Variants in MIA2 observed in about 807,000 individuals in gnomAD.
MIA2 encodes the protein MIA SH3 domain ER export factor 2.
In MIA2, 127 loss-of-function variants were observed where a neutral mutation model predicts 167.8. The observed-to-expected ratio is 0.76, with a 90% CI of 0.66 to 0.88. MIA2 has a LOEUF of 0.88. Among genes scored for constraint, MIA2 ranks in the 40% least tolerant of loss-of-function variants. The pLI, the probability that MIA2 is intolerant of heterozygous loss-of-function variation, is 0.00. For missense variants in MIA2, 1,690 were observed against 1,624.7 expected (o/e 1.04, Z -0.69); for synonymous variants, 552 against 541.9 (o/e 1.02, Z -0.26).
At chr14:39,261,351 G>C (rs1055404370) in intron 6 of MIA2, among the ~76,000 whole-genome samples, 1 of 152,098 alleles carries the variant, frequency 6.6e-6, no homozygotes, top group African/African-American at 2.4e-5. Flanking sequence ...AGTATTCCAT[G>C]GTGTATATGT....
chr14:39,237,316 C>G (rs2053798462), intron 2 of MIA2: 1 of 429,692 alleles, frequency 2.3e-6, no homozygotes. Context: ...TTGGTAGAGA[C>G]AGCATTTCAC....
intron 9 of MIA2, among the ~76,000 whole-genome samples, chr14:39,288,467 A>ATTTTT (rs1264770913): frequency 7.8e-5 from 4 of 51,582 alleles, no homozygotes; most frequent in Admixed American, 3.4e-4. Context: ...ATATATATAT[A>ATTTTT]TATATATATT....
rs2062985928 is a variant in MIA2, at chr14:39,304,342, C to G, written c.2839C>G (p.Gln947Glu). ...LEGERNQIYI[Q>E]LSEVDKTKEE... Reference sequence around the variant, plus strand: ...AGGAGAAAGAAACCAAATTTATATTCAGTTGTCTGAAGTTGATAAAACAAA... The same window carrying G: ...AGGAGAAAGAAACCAAATTTATATTGAGTTGTCTGAAGTTGATAAAACAAA... Residue 947 changes from glutamine to glutamate, a missense_variant, in exon 17 of 29, where the codon CAG (glutamine) becomes GAG (glutamate). Coordinates refer to ENST00000640607, the MANE Select transcript of MIA2 (RefSeq NM_001329214.4). 1 of 1,574,164 alleles carries G rather than the reference C, an allele frequency of 6.4e-7. No individual in the cohort carries two copies. Among genetic ancestry groups the G allele is most frequent in the African/African-American group, 1.4e-5 (1 of 73,130 alleles).
At chr14:39,290,982 T>C in intron 9 of MIA2, 37 bp from the exon 10 acceptor site, 2 of 1,543,282 alleles carry the variant, frequency 1.3e-6, no homozygotes, top group Non-Finnish European at 1.8e-6. Context: ...AGAATACAAT[T>C]GGTAGAGTTT....
At chr14:39,335,715 G>A (rs562988136) in intron 25 of MIA2, among the ~76,000 whole-genome samples, 2 of 152,300 alleles carry the variant, frequency 1.3e-5, no homozygotes, top group African/African-American at 2.4e-5. Flanking sequence ...CACCCAGAAA[G>A]TGAGCATAGT....
chr14:39,324,965 A>G (rs1595626915), intron 24 of MIA2, among the ~76,000 whole-genome samples: 1 of 152,170 alleles, frequency 6.6e-6, no homozygotes, highest in African/African-American at 2.4e-5. Context: ...GCTTACAACT[A>G]TAATCCTAGT....
At chr14:39,312,161 C>T (rs1041114641) in intron 18 of MIA2, among the ~76,000 whole-genome samples, 1 of 152,124 alleles carries the variant, frequency 6.6e-6, no homozygotes, top group East Asian at 1.9e-4. Context: ...ATCATCAGGT[C>T]TCCTTTCACA....
chr14:39,309,239 A>G (rs1370577556), intron 18 of MIA2, among the ~76,000 whole-genome samples: 2 of 152,186 alleles, frequency 1.3e-5, no homozygotes, highest in African/African-American at 4.8e-5. Flanking sequence ...TTTTCTCTGC[A>G]ACATGCAGGA....
Position 39,238,811 on chromosome 14 carries a change from A to AAAAAACAAAACAAAAAAC in MIA2, c.250-1750_250-1749insAAAAACAAAACAAAAAAC. On this transcript the variant is annotated intron_variant, in intron 2 of 28. Transcript: ENST00000640607. Reference sequence around the variant, plus strand: ...CCTGTCTCAAAAAAAAAAAAAAAAAACCCAAAAAACAAAAAAACCTAGCTG... The same window carrying AAAAAACAAAACAAAAAAC: ...CCTGTCTCAAAAAAAAAAAAAAAAAAAAAAACAAAACAAAAAACCCCAAAAAACAAAAAAACCTAGCTG... 1.2e-3 allele frequency among the ~76,000 whole-genome samples: 126 copies of AAAAAACAAAACAAAAAAC among 103,614 alleles called. 2 individuals are homozygous for AAAAAACAAAACAAAAAAC. Among genetic ancestry groups the AAAAAACAAAACAAAAAAC allele is most frequent in the South Asian group, 2.5e-3 (8 of 3,204 alleles). The allele number at this position is 103,614 out of a possible 152,430, so 68.0% of individuals were successfully genotyped here. A position where few individuals can be genotyped will look rare whatever the true frequency, so the allele number is the denominator to read the frequency against.
intron 27 of MIA2, 44 bp downstream of exon 27, chr14:39,347,815 CT>C (rs773929040): frequency 1.5e-4 from 157 of 1,048,966 alleles, no homozygotes; most frequent in Admixed American, 1.5e-3. Flanking sequence ...ATTCAGAAGC[CT>C]TCTTTTTTTT....
chr14:39,350,134 A>G lies in MIA2; in HGVS notation c.4109A>G (p.Tyr1370Cys). 7.3e-7 allele frequency: 1 copy of G among 1,377,270 alleles called. No individual in the cohort carries two copies. The highest frequency in any genetic ancestry group is 9.9e-7 in the Non-Finnish European group (1 of 1,008,232). 85.3% of individuals were successfully genotyped at this position (1,377,270 alleles called of 1,614,324 possible). A position where few individuals can be genotyped will look rare whatever the true frequency, so the allele number is the denominator to read the frequency against. ...NVYPPRGFPP[Y>C]LPPRPGFFPP... ...TATCCACCGAGGGGTTTTCCTCCTT[A>G]CCTTCCCCCAAGACCTGGATTTTTC... Residue 1370 changes from tyrosine to cysteine, a missense_variant, in exon 29 of 29, where the codon TAC (tyrosine) becomes TGC (cysteine). By Grantham distance (194) the Tyr-to-Cys change is radical (BLOSUM62 -2). Coordinates refer to ENST00000640607, the MANE Select transcript of MIA2 (RefSeq NM_001329214.4).
intron 23 of MIA2, among the ~76,000 whole-genome samples, chr14:39,377,847 C>T (rs1007743391): frequency 1.8e-4 from 27 of 151,882 alleles, no homozygotes; most frequent in Admixed American, 3.9e-4. Context: ...TGAGCCCAGC[C>T]GAGGATTTAT....
intron 6 of MIA2, among the ~76,000 whole-genome samples, chr14:39,272,000 G>C (rs1339378927): frequency 6.6e-6 from 1 of 152,078 alleles, no homozygotes; most frequent in East Asian, 1.9e-4. Context: ...ATTGGTTTGT[G>C]AGTATGCAAA....
At chr14:39,338,201 A>G (rs1317919514) in intron 25 of MIA2, among the ~76,000 whole-genome samples, 1 of 152,208 alleles carries the variant, frequency 6.6e-6, no homozygotes, top group Non-Finnish European at 1.5e-5. Context: ...ATAAATCTAC[A>G]TATGCTGTAA....
At chr14:39,309,608 A>T (rs1238058767) in intron 18 of MIA2, among the ~76,000 whole-genome samples, 1 of 152,206 alleles carries the variant, frequency 6.6e-6, no homozygotes, top group East Asian at 1.9e-4. Flanking sequence ...TAACTAAAAT[A>T]ATACCTGCTA....
chr14:39,275,367 C>G (rs542538657), intron 6 of MIA2, among the ~76,000 whole-genome samples: 1 of 152,304 alleles, frequency 6.6e-6, no homozygotes, highest in Admixed American at 6.5e-5. Flanking sequence ...TCTCAAACTC[C>G]TGGCCTCATG....
At chr14:39,284,904 G>A (rs1202021973) in intron 9 of MIA2, among the ~76,000 whole-genome samples, 6 of 152,032 alleles carry the variant, frequency 3.9e-5, no homozygotes, top group Non-Finnish European at 8.8e-5. Context: ...GCGGTCTTCC[G>A]CAGTGTTTGT....
intron 23 of MIA2, among the ~76,000 whole-genome samples, chr14:39,375,888 G>T (rs2075034357): frequency 6.6e-6 from 1 of 152,142 alleles, no homozygotes; most frequent in Non-Finnish European, 1.5e-5. Context: ...TTTAAAGCAG[G>T]ATATTGTTAT....
At position 39,327,025 on chromosome 14, in the gene MIA2, A is replaced by G. The variant is rs1240139781; in HGVS notation, c.3655+3A>G. 2.7e-6 allele frequency: 4 copies of G among 1,496,636 alleles called. No individual in the cohort carries two copies. The highest frequency in any genetic ancestry group is 2.7e-6 in the Non-Finnish European group (3 of 1,127,612). 92.7% of individuals were successfully genotyped at this position (1,496,636 alleles called of 1,614,324 possible). ...TAGGATGATGTTTCCTCCGCCAGGT[A>G]TGTAAAGACAATAGTTATTATTTCT... On this transcript the variant is annotated splice_donor_region_variant and intron_variant, in intron 25 of 28. Coordinates refer to ENST00000640607, the MANE Select transcript of MIA2 (RefSeq NM_001329214.4).
Sources: allele counts gnomAD v4.1 joint callset (sites outside exome capture counted in the v4.1 genomes callset), GRCh38; gene constraint gnomAD v4.1.1; transcripts MANE v1.5; gene names NCBI Gene and HGNC (gene_info 2026-07-23, HGNC 2026-07-21).